SPARCL1: variants seen among roughly 807,000 people sequenced by gnomAD.
SPARCL1 encodes SPARC-like protein 1.
In SPARCL1, 52 loss-of-function variants were observed where a neutral mutation model predicts 67.1. The observed-to-expected ratio is 0.78, with a 90% CI of 0.62 to 0.98. The LOEUF (loss-of-function observed/expected upper bound fraction) is 0.98. Ranked by LOEUF, SPARCL1 falls within the 50% of genes least tolerant of loss-of-function variation. SPARCL1 has a pLI of 0.00. For synonymous variants in SPARCL1, 226 were observed against 267.8 expected (o/e 0.84, Z 1.52); for missense variants, 717 against 782.4 (o/e 0.92, Z 1.00).
chr4:87,527,301 C>G (rs955453333), intron 1 of SPARCL1, among the ~76,000 whole-genome samples: 3 of 152,150 alleles, frequency 2.0e-5, no homozygotes, highest in Non-Finnish European at 4.4e-5. Flanking sequence ...GGAAGTTCTA[C>G]TGGATTTATT....
intron 10 of SPARCL1, among the ~76,000 whole-genome samples, chr4:87,476,143 A>G (rs1018104324): frequency 3.3e-5 from 5 of 152,026 alleles, no homozygotes; most frequent in African/African-American, 9.7e-5. Flanking sequence ...CTCCAAATCC[A>G]CTTCTGTTCT....
intron 10 of SPARCL1, among the ~76,000 whole-genome samples, chr4:87,475,499 A>C (rs1390286793): frequency 6.6e-6 from 1 of 151,858 alleles, no homozygotes; most frequent in Non-Finnish European, 1.5e-5. Flanking sequence ...TTTTCATGTA[A>C]CTCAATGCGT....
At chr4:87,525,521 C>T (rs59233926) in intron 1 of SPARCL1, among the ~76,000 whole-genome samples, 59,080 of 151,974 alleles carry the variant, frequency 0.39, 13,178 homozygotes, top group East Asian at 0.6. Flanking sequence ...GGATTTATTG[C>T]AGGGTTTGCT....
intron 1 of SPARCL1, among the ~76,000 whole-genome samples, chr4:87,516,868 AT>A: frequency 6.6e-6 from 1 of 152,142 alleles, no homozygotes; most frequent in Non-Finnish European, 1.5e-5. Flanking sequence ...TCTCTTAATC[AT>A]GCCTTTCAGA....
At chr4:87,479,351 C>A in intron 10 of SPARCL1, 79 bp downstream of exon 10, 1 of 1,426,822 alleles carries the variant, frequency 7.0e-7, no homozygotes, top group Non-Finnish European at 9.5e-7. Flanking sequence ...TGTGGCAGGA[C>A]CTCTCTATGA....
At chr4:87,522,389 C>T (rs1229849670) in intron 1 of SPARCL1, among the ~76,000 whole-genome samples, 2 of 151,770 alleles carry the variant, frequency 1.3e-5, no homozygotes, top group African/African-American at 2.4e-5. Flanking sequence ...TGAGACTAAC[C>T]AGAAATCCAT....
chr4:87,509,832 G>A (rs1008660459), intron 1 of SPARCL1, among the ~76,000 whole-genome samples: 1 of 152,214 alleles, frequency 6.6e-6, no homozygotes, highest in Non-Finnish European at 1.5e-5. Context: ...TGTGGACAGG[G>A]GTGATGATAT....
Position 87,490,861 on chromosome 4 carries a change from G to A in SPARCL1, c.1309C>T (p.Gln437Ter). 6.3e-7 allele frequency: 1 copy of A among 1,594,064 alleles called. No individual in the cohort carries two copies. The highest frequency in any genetic ancestry group is 1.1e-5 in the South Asian group (1 of 87,720). ...VHAVDSCMSF[Q>*]CKRGHICKAD... is the part of the protein sequence containing the mutation. ...TTACAGATGTGGCCTCTTTTACACT[G>A]GAAGCTCATGCAAGAATCTAACAGA... The change falls in exon 6 of 11, where the codon CAG becomes TAG. Residue 437 changes from glutamine to a stop codon, truncating the protein, a stop_gained. Transcript: ENST00000282470. LOFTEE classifies it high-confidence loss of function.
At chr4:87,478,206 T>C (rs1460996516) in intron 10 of SPARCL1, among the ~76,000 whole-genome samples, 1 of 152,218 alleles carries the variant, frequency 6.6e-6, no homozygotes, top group Admixed American at 6.5e-5. Flanking sequence ...TGATGTTCAC[T>C]GTTAATTTAT....
intron 1 of SPARCL1, among the ~76,000 whole-genome samples, chr4:87,507,166 A>T (rs1035790361): frequency 2.6e-5 from 4 of 152,208 alleles, no homozygotes; most frequent in African/African-American, 9.7e-5. Flanking sequence ...TTCATCACAC[A>T]TAACAGTGGA....
chr4:87,485,103 T>C (rs1219044128), intron 7 of SPARCL1, among the ~76,000 whole-genome samples: 1 of 151,990 alleles, frequency 6.6e-6, no homozygotes, highest in Non-Finnish European at 1.5e-5. Flanking sequence ...CAATACTATG[T>C]TGAATAGGAG....
chr4:87,493,046 C>A (rs1724424126), intron 4 of SPARCL1, among the ~76,000 whole-genome samples: 1 of 152,178 alleles, frequency 6.6e-6, no homozygotes, highest in Non-Finnish European at 1.5e-5. Context: ...GCCAGTATCT[C>A]CTATCCTTCA....
chr4:87,500,780 ACG>A (rs1364701039), intron 1 of SPARCL1, among the ~76,000 whole-genome samples: 1 of 151,656 alleles, frequency 6.6e-6, no homozygotes, highest in Non-Finnish European at 1.5e-5. Context: ...CTTCACACAC[ACG>A]TACGCGCGCA....
intron 1 of SPARCL1, among the ~76,000 whole-genome samples, chr4:87,521,429 G>A (rs2110265611): frequency 1.3e-5 from 2 of 152,138 alleles, no homozygotes; most frequent in South Asian, 4.2e-4. Flanking sequence ...CTTTCATATT[G>A]GCCACATCAG....
At chr4:87,483,501 G>T (rs959207383) in intron 7 of SPARCL1, among the ~76,000 whole-genome samples, 24 of 152,134 alleles carry the variant, frequency 1.6e-4, no homozygotes, top group Non-Finnish European at 2.9e-5. Context: ...GGGCATTTTG[G>T]TTGGTTCCAA....
At chr4:87,484,175 G>C (rs1414818432) in intron 7 of SPARCL1, among the ~76,000 whole-genome samples, 3 of 152,104 alleles carry the variant, frequency 2.0e-5, no homozygotes, top group Non-Finnish European at 4.4e-5. Flanking sequence ...TGTCCTGAAT[G>C]GTATTGCCTA....
At position 87,490,771 on chromosome 4, in the gene SPARCL1, G is replaced by GTT; in HGVS notation, c.1397_1398dup (p.Pro467AsnfsTer55). 6.2e-7 allele frequency: 1 copy of GTT among 1,605,084 alleles called. No individual in the cohort carries two copies. The highest frequency in any genetic ancestry group is 8.5e-7 in the Non-Finnish European group (1 of 1,173,898). ...TGCAGAATACTTACTTGATCAAGGGGTTTTGTTGGAGGACAAGTCACTGGA... is the reference window on the plus strand; with the variant it reads ...TGCAGAATACTTACTTGATCAAGGGGTTTTTTGTTGGAGGACAAGTCACTGGA... On this transcript the variant is annotated frameshift_variant, in exon 6 of 11. Coordinates refer to ENST00000282470, the MANE Select transcript of SPARCL1 (RefSeq NM_004684.6). LOFTEE classifies it high-confidence loss of function.
At chr4:87,484,741 TC>T (rs1723982127) in intron 7 of SPARCL1, among the ~76,000 whole-genome samples, 1 of 152,192 alleles carries the variant, frequency 6.6e-6, no homozygotes, top group Non-Finnish European at 1.5e-5. Context: ...CTTATTTCCT[TC>T]AGCAATGGTT....
intron 2 of SPARCL1, among the ~76,000 whole-genome samples, chr4:87,497,617 A>G (rs1724674557): frequency 6.6e-6 from 1 of 152,204 alleles, no homozygotes; most frequent in African/African-American, 2.4e-5. Flanking sequence ...AAATTATACA[A>G]ATTTTTAATA....
Sources: allele counts gnomAD v4.1 joint callset (sites outside exome capture counted in the v4.1 genomes callset), GRCh38; gene constraint gnomAD v4.1.1; transcripts MANE v1.5; gene names NCBI Gene and HGNC (gene_info 2026-07-23, HGNC 2026-07-21).